Variants in INPP5F observed in about 807,000 individuals in gnomAD.
INPP5F encodes the protein phosphatidylinositide 4-phosphatase SAC2.
A neutral mutation model predicts 137.2 loss-of-function variants in INPP5F; 97 were observed. The ratio of observed to expected loss-of-function variants is 0.71; its 90% CI spans 0.60 to 0.84. INPP5F has a LOEUF of 0.84. INPP5F is among the 40% of genes least tolerant of loss of function. INPP5F has a pLI of 0.00. For synonymous variants in INPP5F, 504 were observed against 476.9 expected, an observed-to-expected ratio of 1.06 and a Z score of -0.74; for missense variants, 1,271 against 1,371.9, an observed-to-expected ratio of 0.93 and a Z score of 1.16.
At chr10:119,794,316 A>G (rs1850249140) in intron 6 of INPP5F, among the ~76,000 whole-genome samples, 1 of 152,190 alleles carries the variant, frequency 6.6e-6, no homozygotes, top group Admixed American at 6.5e-5. Flanking sequence ...CACATGTTTC[A>G]GAGAGCACAG....
Position 119,792,213 on chromosome 10 carries a change from T to C in INPP5F, c.669T>C (p.Gly223=). 3 of 1,604,136 alleles carry C rather than the reference T, an allele frequency of 1.9e-6. No individual in the cohort carries two copies. The highest frequency in any genetic ancestry group is 1.3e-5 in the African/African-American group (1 of 74,826). Residue 223 remains glycine, a splice_region_variant and synonymous_variant, in exon 6 of 20, where the codon GGT becomes GGC. Coordinates refer to ENST00000650623, the MANE Select transcript of INPP5F (RefSeq NM_014937.4). ...KYMIQDLTEI[G]TPDVDFWIIP... ...TGATACAAGATCTTACTGAGATTGG[T>C]GTGAGTAGTTGTTTCTAAAATTTCC...
chr10:119,792,014 AC>A lies in INPP5F; in HGVS notation c.591del (p.Asp197GlufsTer19), dbSNP rs1406674563. 5 of 1,614,088 alleles carry A rather than the reference AC, an allele frequency of 3.1e-6. No homozygotes were observed. Among genetic ancestry groups the A allele is most frequent in the Non-Finnish European group, 4.2e-6 (5 of 1,180,040 alleles). Reference protein sequence around the residue: ...SVQRQSTGERDGRPLWQKVDD... With the variant: ...SVQRQSTGERXGRPLWQKVDD... ...CAGAGGCAGAGCACTGGGGAGAGGG[AC>A]GGTCGGCCCCTCTGGCAGAAGGTAC... On this transcript the variant is annotated frameshift_variant, in exon 5 of 20. Coordinates refer to ENST00000650623, the MANE Select transcript of INPP5F (RefSeq NM_014937.4). LOFTEE classifies it high-confidence loss of function.
In INPP5F at chr10:119,795,554, T is replaced by C. The variant is rs1216747947; in HGVS notation, c.670-1161T>C. ...GAAGAGGCGCTCCTCACTTCCTAGA[T>C]GGGATGGCGGCCGGGCAGAGACGCT... On this transcript the variant is annotated intron_variant, in intron 6 of 19. Coordinates refer to ENST00000650623, the MANE Select transcript of INPP5F (RefSeq NM_014937.4). Among the ~76,000 whole-genome samples, 10 of 141,992 alleles carry C rather than the reference T, an allele frequency of 7.0e-5. No homozygotes were observed. The East Asian group carries it at 1.1e-3, about 16-fold the overall frequency. 93.2% of individuals were successfully genotyped at this position (141,992 alleles called of 152,430 possible). A position where few individuals can be genotyped will look rare whatever the true frequency, so the allele number is the denominator to read the frequency against.
intron 2 of INPP5F, among the ~76,000 whole-genome samples, chr10:119,779,970 T>C (rs1849650070): frequency 1.3e-5 from 2 of 152,088 alleles, no homozygotes; most frequent in South Asian, 4.1e-4. Flanking sequence ...GTAACAGTCA[T>C]TTATTATTAT....
intron 2 of INPP5F, among the ~76,000 whole-genome samples, chr10:119,759,599 A>T (rs187803786): frequency 1.3e-5 from 2 of 152,170 alleles, no homozygotes; most frequent in Admixed American, 1.3e-4. Flanking sequence ...CAAGTGATCT[A>T]CCTGCCTCGG....
At chr10:119,777,414 C>T (rs35694302) in intron 2 of INPP5F, among the ~76,000 whole-genome samples, 6,512 of 152,118 alleles carry the variant, frequency 0.043, 237 homozygotes, top group South Asian at 0.22. Context: ...TAGTCCCAGC[C>T]ACTTGGGAGG....
At position 119,827,573 on chromosome 10, in the gene INPP5F, C is replaced by T. The variant is rs1851820768; in HGVS notation, c.3192C>T (p.Ser1064=). The change falls in exon 20 of 20, where the codon AGC becomes AGT. Residue 1064 remains serine (S), a synonymous_variant. Coordinates refer to ENST00000650623, the MANE Select transcript of INPP5F (RefSeq NM_014937.4). ...HVTPSPSESS[S]SRAVSPFAKI... The stretch of plus-strand genomic sequence containing the variant: ...CTCCTTCTCCTTCAGAGAGCAGTAG[C>T]AGCAGAGCAGTCTCTCCCTTTGCCA... The T allele has an allele frequency of 1.9e-6, 3 of 1,614,056 alleles. No homozygotes were observed. The African/African-American group carries it at 4.0e-5, about 22-fold the overall frequency.
intron 12 of INPP5F, 85 bp from the exon 13 acceptor site, chr10:119,807,847 A>G (rs759230949): frequency 2.3e-5 from 30 of 1,314,808 alleles, no homozygotes; most frequent in Non-Finnish European, 3.0e-5. Flanking sequence ...TTGTATATGA[A>G]TATGTTTCCT....
intron 9 of INPP5F, among the ~76,000 whole-genome samples, chr10:119,799,957 T>C (rs2134230439): frequency 6.6e-6 from 1 of 152,150 alleles, no homozygotes; most frequent in South Asian, 2.1e-4. Context: ...TAGGAAATAG[T>C]TTTTATTTTT....
At chr10:119,804,327 TC>T in intron 10 of INPP5F, 30 bp downstream of exon 10, 1 of 1,568,396 alleles carries the variant, frequency 6.4e-7, no homozygotes, top group Non-Finnish European at 8.6e-7. Flanking sequence ...ATAGTGTTGA[TC>T]AATTGCAGTG....
chr10:119,789,206 C>T (rs539865272), intron 3 of INPP5F, among the ~76,000 whole-genome samples: 1 of 144,982 alleles, frequency 6.9e-6, no homozygotes, highest in South Asian at 2.2e-4. Context: ...GCCTGGGCAA[C>T]AAGAGCGAAA....
intron 2 of INPP5F, among the ~76,000 whole-genome samples, chr10:119,765,261 A>T (rs1849122133): frequency 6.6e-6 from 1 of 152,054 alleles, no homozygotes. Context: ...AGAATACAGT[A>T]TATAATACAG....
chr10:119,816,054 G>A (rs367964959), intron 15 of INPP5F: 2 of 152,282 alleles, frequency 1.3e-5, no homozygotes, highest in African/African-American at 4.8e-5. Flanking sequence ...TGTTTTCCTT[G>A]TTGGCTTGCG....
At chr10:119,815,620 C>A in intron 15 of INPP5F, 1 of 296,572 alleles carries the variant, frequency 3.4e-6, no homozygotes, top group South Asian at 3.9e-5. Flanking sequence ...GCTCTTCAGT[C>A]CAGAGAAGCT....
intron 13 of INPP5F, among the ~76,000 whole-genome samples, chr10:119,809,740 C>T (rs897378688): frequency 2.6e-5 from 4 of 152,096 alleles, no homozygotes; most frequent in African/African-American, 4.8e-5. Context: ...TCAGAAACAT[C>T]GGTTTTTGAA....
rs1848588891 is a variant in INPP5F at position 119,748,051 on chromosome 10, G to C, written c.98-3025G>C. Among the ~76,000 whole-genome samples the C allele has an allele frequency of 6.6e-6, 1 of 152,224 alleles. No individual in the cohort carries two copies. The highest frequency in any genetic ancestry group is 1.5e-5 in the Non-Finnish European group (1 of 68,040). ...GTCTTGGCTCGGCAAGCTGTGCTGG[G>C]CTTGCACTACCAGCCCGGATCCCAT... On this transcript the variant is annotated intron_variant, in intron 1 of 19. Transcript: ENST00000650623. This position sits in a 1 kb window ranked among gnomAD's most constrained non-coding sequence, Gnocchi z 4.7.
intron 1 of INPP5F, among the ~76,000 whole-genome samples, chr10:119,729,157 C>T (rs541816619): frequency 3.2e-3 from 486 of 151,766 alleles, no homozygotes; most frequent in Non-Finnish European, 5.3e-3. Context: ...AAGGGCGGGG[C>T]GGGCAGTGGA....
chr10:119,772,915 A>C (rs1849409659), intron 2 of INPP5F, among the ~76,000 whole-genome samples: 1 of 151,672 alleles, frequency 6.6e-6, no homozygotes, highest in Non-Finnish European at 1.5e-5. Flanking sequence ...ATGCCCAGCT[A>C]ATTTTTGTAT....
At chr10:119,744,196 C>CT (rs1374939612) in intron 1 of INPP5F, among the ~76,000 whole-genome samples, 1 of 152,172 alleles carries the variant, frequency 6.6e-6, no homozygotes, top group East Asian at 1.9e-4. Context: ...GACTCCCCCC[C>CT]TTTTTCTTGA....
Sources: gnomAD v4.1 joint callset for allele counts (sites outside exome capture counted in the v4.1 genomes callset) on GRCh38, gnomAD v4.1.1 for gene constraint, Gnocchi (gnomAD v3.1) non-coding constraint, MANE v1.5 for transcripts, NCBI Gene and HGNC (gene_info 2026-07-23, HGNC 2026-07-21) for gene names.